ARHGEF11: variants seen among roughly 807,000 people sequenced by gnomAD.
ARHGEF11 encodes Rho guanine nucleotide exchange factor 11.
Under a neutral mutation model 193.7 loss-of-function variants are expected in ARHGEF11, and 55 were observed. The observed-to-expected ratio is 0.28, with a 90% CI of 0.23 to 0.36. The LOEUF (loss-of-function observed/expected upper bound fraction) is 0.36. Ranked by LOEUF, ARHGEF11 falls within the 10% of genes least tolerant of loss-of-function variation. The probability of loss-of-function intolerance (pLI) is 1.00; values close to 1 mark genes in which losing one functional copy is unlikely to be tolerated. For missense variants in ARHGEF11, 1,723 were observed against 2,005.6 expected, an observed-to-expected ratio of 0.86 and a Z score of 2.69; for synonymous variants, 693 against 768.0, an observed-to-expected ratio of 0.90 and a Z score of 1.62.
intron 22 of ARHGEF11, among the ~76,000 whole-genome samples, chr1:156,951,303 C>A (rs1162151258): frequency 1.3e-5 from 2 of 152,186 alleles, no homozygotes; most frequent in Non-Finnish European, 1.5e-5. Flanking sequence ...TGGATGAAGG[C>A]TACTGAGTAG....
chr1:156,940,535 AGTT>A (rs1656611609), intron 35 of ARHGEF11, 110 bp from the exon 36 acceptor site: 2 of 995,754 alleles, frequency 2.0e-6, no homozygotes, highest in Non-Finnish European at 2.9e-6. Context: ...CTTATTCTAC[AGTT>A]GTTTACTGAG....
At position 156,947,285 on chromosome 1, in the gene ARHGEF11, A is replaced by T. The variant is rs1381786093; in HGVS notation, c.2488+19T>A. The stretch of plus-strand genomic sequence containing the variant: ...GAAGGGCAGCAGAAGAGGAGTCTGG[A>T]GGGGCACAGGCTCCTTACTGTGAAT... On this transcript the variant is annotated intron_variant, in intron 26 of 40. Transcript: ENST00000368194. The T allele has an allele frequency of 6.3e-7, 1 of 1,589,830 alleles. No individual in the cohort carries two copies.
rs756128477 is a variant in ARHGEF11 at position 156,936,018 on chromosome 1, G to A, written c.4671C>T (p.Ala1557=). 19 of 1,613,604 alleles carry A rather than the reference G, an allele frequency of 1.2e-5. No homozygotes were observed. Among genetic ancestry groups the A allele is most frequent in the African/African-American group, 2.7e-5 (2 of 74,898 alleles). ...TGTACGGTTATGGTCCTGGTGACGC[G>A]GCTGCGTCTGCTGTGCTGTCTTCCA... The part of the protein sequence containing the change: ...APLEDSTADA[A]ASPGP The change falls in exon 41 of 41, where the codon GCC becomes GCT. Residue 1557 remains alanine (A), a synonymous_variant. Coordinates refer to ENST00000368194, the MANE Select transcript of ARHGEF11 (RefSeq NM_198236.3).
intron 1 of ARHGEF11, among the ~76,000 whole-genome samples, chr1:157,012,580 T>C (rs890307537): frequency 6.6e-6 from 1 of 152,212 alleles, no homozygotes; most frequent in Non-Finnish European, 1.5e-5. Flanking sequence ...AAAACGTCCT[T>C]CCTAGTACTC....
chr1:156,979,383 TGAGATGGAG>T, intron 4 of ARHGEF11, 97 bp from the exon 5 acceptor site: 1 of 839,350 alleles, frequency 1.2e-6, no homozygotes, highest in Non-Finnish European at 1.8e-6. Context: ...TTTTTTTTTT[TGAGATGGAG>T]TCTTGCTCTG....
chr1:156,996,976 C>T (rs1176385113), intron 1 of ARHGEF11, among the ~76,000 whole-genome samples: 1 of 151,124 alleles, frequency 6.6e-6, no homozygotes, highest in Non-Finnish European at 1.5e-5. Context: ...ATCCTTCCGC[C>T]TCAGCCTCTC....
rs1293654458 is a variant in ARHGEF11, at chr1:156,958,640, G to A, written c.1502+102C>T. The stretch of plus-strand genomic sequence containing the variant: ...CCATCTTTCAGGGGCAGGAGAATCA[G>A]GCAAGAAGTGGAAGAGGGGGAGAGG... On this transcript the variant is annotated intron_variant, in intron 17 of 40. Transcript: ENST00000368194. 4.6e-6 allele frequency: 7 copies of A among 1,525,646 alleles called. No individual in the cohort carries two copies. The Admixed American group carries it at 1.2e-4, about 27-fold the overall frequency. 94.5% of individuals were successfully genotyped at this position (1,525,646 alleles called of 1,614,324 possible).
chr1:156,961,254 C>T (rs1660795282), intron 14 of ARHGEF11, among the ~76,000 whole-genome samples: 1 of 152,244 alleles, frequency 6.6e-6, no homozygotes, highest in African/African-American at 2.4e-5. Context: ...TGACTCCTGC[C>T]TTTGGGCAGT....
intron 7 of ARHGEF11, among the ~76,000 whole-genome samples, chr1:156,972,453 G>A (rs1358288430): frequency 6.6e-6 from 1 of 152,262 alleles, no homozygotes; most frequent in Non-Finnish European, 1.5e-5. Flanking sequence ...TGGGACGGGT[G>A]TAATAGTGGA....
chr1:157,020,192 T>C (rs1245163142), intron 1 of ARHGEF11, among the ~76,000 whole-genome samples: 1 of 151,746 alleles, frequency 6.6e-6, no homozygotes, highest in Non-Finnish European at 1.5e-5. Context: ...TTGGAGGTGA[T>C]GGGTATGTTT....
At chr1:156,946,315 T>G (rs1224067367) in intron 28 of ARHGEF11, among the ~76,000 whole-genome samples, 153 bp from the exon 29 acceptor site, 2 of 152,006 alleles carry the variant, frequency 1.3e-5, no homozygotes, top group African/African-American at 4.8e-5. Context: ...TCCTTAAAGA[T>G]GTAGAGAAGG....
In ARHGEF11 at chr1:156,982,160, G is replaced by A. The variant is rs530540580; in HGVS notation, c.224-1674C>T. The stretch of plus-strand genomic sequence containing the variant: ...ACAGAACTATCTTGCCTGAATGTAT[G>A]AAACACGTGAGGTGACTTCTAATAA... On this transcript the variant is annotated intron_variant, in intron 3 of 40. Coordinates refer to ENST00000368194, the MANE Select transcript of ARHGEF11 (RefSeq NM_198236.3). Among the ~76,000 whole-genome samples, 21 of 151,714 alleles carry A rather than the reference G, an allele frequency of 1.4e-4. No homozygotes were observed. The South Asian group carries it at 4.4e-3, about 32-fold the overall frequency.
intron 1 of ARHGEF11, among the ~76,000 whole-genome samples, chr1:157,021,685 G>T (rs1234399093): frequency 6.6e-6 from 1 of 152,204 alleles, no homozygotes; most frequent in Admixed American, 6.5e-5. Context: ...TCCTGTTCCA[G>T]TTTGACACTA....
At chr1:157,033,362 C>T (rs1448358659) in intron 1 of ARHGEF11, among the ~76,000 whole-genome samples, 1 of 152,102 alleles carries the variant, frequency 6.6e-6, no homozygotes, top group African/African-American at 2.4e-5. Flanking sequence ...TAATCAACTT[C>T]GTAACCTCTG....
At chr1:156,938,974 C>A in intron 37 of ARHGEF11, 1 of 187,588 alleles carries the variant, frequency 5.3e-6, no homozygotes. Context: ...CTTTTCTTGT[C>A]TCAAGGCCGT....
At chr1:156,972,264 T>C (rs1662593308) in intron 7 of ARHGEF11, among the ~76,000 whole-genome samples, 3 of 152,174 alleles carry the variant, frequency 2.0e-5, no homozygotes, top group Admixed American at 2.0e-4. Flanking sequence ...GCCAGTCCCA[T>C]CCTCAGGAAG....
chr1:156,947,232 C>T, intron 26 of ARHGEF11, 72 bp downstream of exon 26: 1 of 1,549,636 alleles, frequency 6.5e-7, no homozygotes. Context: ...GAGGTCCTGG[C>T]AGTGGGGCCA....
chr1:156,948,416 C>T lies in ARHGEF11; in HGVS notation c.2008G>A (p.Val670Met), dbSNP rs377678134. ...EMKRSRKAEN[V>M]PRSRSDVDMD... ...TCAACATCACTGCGAGAGCGGGGCA[C>T]GTTCTCTGCCTTTCGAGACCGTTTC... Residue 670 changes from valine to methionine, a missense_variant, in exon 23 of 41, where the codon GTG (valine) becomes ATG (methionine). This residue lies in a region of ARHGEF11 where 491 missense variants were observed against 654.5 expected (regional missense o/e 0.75). Coordinates refer to ENST00000368194, the MANE Select transcript of ARHGEF11 (RefSeq NM_198236.3). This position sits in a 1 kb window ranked among gnomAD's most constrained non-coding sequence, Gnocchi z 4.2. 1.1e-5 allele frequency: 18 copies of T among 1,614,098 alleles called. No individual in the cohort carries two copies. The highest frequency in any genetic ancestry group is 2.2e-5 in the South Asian group (2 of 91,092).
In ARHGEF11 at chr1:156,956,559, G is replaced by C; in HGVS notation, c.1532C>G (p.Pro511Arg). Residue 511 changes from proline to arginine, a missense_variant, in exon 19 of 41, where the codon CCC becomes CGC. By Grantham distance (103) the Pro-to-Arg change is moderately radical. Coordinates refer to ENST00000368194, the MANE Select transcript of ARHGEF11 (RefSeq NM_198236.3). ...LSKYEEDRSA[P>R]MDFALNTYMS... ...GTAGGTATTGAGGGCGAAGTCCATG[G>C]GGGCGCTGTAAAAGAGGAACAGTGT... 1.9e-6 allele frequency: 3 copies of C among 1,614,158 alleles called. No individual in the cohort carries two copies. Among genetic ancestry groups the C allele is most frequent in the Non-Finnish European group, 2.5e-6 (3 of 1,180,004 alleles).
Sources: allele counts gnomAD v4.1 joint callset (sites outside exome capture counted in the v4.1 genomes callset), GRCh38; gene constraint gnomAD v4.1.1; regional missense constraint gnomAD v4.1.1; non-coding constraint Gnocchi (gnomAD v3.1); transcripts MANE v1.5; gene names NCBI Gene and HGNC (gene_info 2026-07-23, HGNC 2026-07-21).